Variants in ZNF480 observed in about 807,000 individuals in gnomAD.
The protein encoded by ZNF480 is zinc finger protein 480.
A neutral mutation model predicts 14.4 loss-of-function variants in ZNF480; 15 were observed. The ratio of observed to expected loss-of-function variants is 1.04; its 90% CI spans 0.70 to 1.60. The LOEUF (loss-of-function observed/expected upper bound fraction) is 1.60. ZNF480 is among the 40% of genes most tolerant of loss of function. The probability of loss-of-function intolerance (pLI) is 0.00; values close to 1 mark genes in which losing one functional copy is unlikely to be tolerated. For synonymous variants in ZNF480, 218 were observed against 215.5 expected (o/e 1.01, Z -0.10); for missense variants, 593 against 629.7 (o/e 0.94, Z 0.62).
At chr19:52,302,960 A>G (rs1187039880) in intron 2 of ZNF480, among the ~76,000 whole-genome samples, 1 of 152,216 alleles carries the variant, frequency 6.6e-6, no homozygotes, top group Non-Finnish European at 1.5e-5. Flanking sequence ...TAATATGAGT[A>G]ATGAAAAAGG....
chr19:52,322,377 G>C lies in ZNF480; in HGVS notation c.1127G>C (p.Cys376Ser). The C allele has an allele frequency of 6.2e-7, 1 of 1,613,988 alleles. No individual in the cohort carries two copies. The highest frequency in any genetic ancestry group is 8.5e-7 in the Non-Finnish European group (1 of 1,179,998). Reference sequence around the variant, plus strand: ...GAGAAACCTTACAAATGTAATGAATGTGGAAAGGTCTTTATTCAAAATTCG... The same window carrying C: ...GAGAAACCTTACAAATGTAATGAATCTGGAAAGGTCTTTATTCAAAATTCG... ...TGEKPYKCNECGKVFIQNSHL... is the reference protein window; with the variant it reads ...TGEKPYKCNESGKVFIQNSHL... The change falls in exon 5 of 5, where the codon TGT becomes TCT. Residue 376 changes from cysteine to serine, a missense_variant. Physicochemically the swap from Cys to Ser is moderately radical, Grantham distance 112. Coordinates refer to ENST00000595962, the MANE Select transcript of ZNF480 (RefSeq NM_144684.4).
At chr19:52,305,181 A>G (rs995584125) in intron 2 of ZNF480, among the ~76,000 whole-genome samples, 1 of 152,190 alleles carries the variant, frequency 6.6e-6, no homozygotes. Context: ...AATGCAATAT[A>G]TAACTGCTTT....
chr19:52,322,414 A>G lies in ZNF480; in HGVS notation c.1164A>G (p.Gln388=). 6.2e-7 allele frequency: 1 copy of G among 1,614,064 alleles called. No homozygotes were observed. Among genetic ancestry groups the G allele is most frequent in the Non-Finnish European group, 8.5e-7 (1 of 1,179,984 alleles). ...KVFIQNSHLA[Q]HWRIHTGEKP... is the part of the protein sequence containing the mutation. ...TTATTCAAAATTCGCACCTAGCACA[A>G]CATTGGAGAATTCATACAGGAGAGA... The change falls in exon 5 of 5, where the codon CAA becomes CAG. Residue 388 remains glutamine, a synonymous_variant. Transcript: ENST00000595962.
At chr19:52,320,394 T>C (rs1276352212) in intron 4 of ZNF480, among the ~76,000 whole-genome samples, 1 of 152,198 alleles carries the variant, frequency 6.6e-6, no homozygotes, top group African/African-American at 2.4e-5. Context: ...GCCTCATGCC[T>C]GTAATCCCAA....
intron 4 of ZNF480, among the ~76,000 whole-genome samples, chr19:52,319,835 TA>T (rs1403413067): frequency 2.1e-5 from 3 of 142,426 alleles, no homozygotes; most frequent in African/African-American, 8.6e-5. Context: ...TTTTTTTTTT[TA>T]AATTAGAGTC....
chr19:52,311,563 C>T (rs558645215), intron 2 of ZNF480, among the ~76,000 whole-genome samples: 4 of 152,158 alleles, frequency 2.6e-5, no homozygotes, highest in African/African-American at 4.8e-5. Context: ...TTTTTAATGG[C>T]TTAATATACA....
rs767734941 is a variant in ZNF480 at position 52,321,841 on chromosome 19, C to T, written c.591C>T (p.His197=). 6.2e-6 allele frequency: 10 copies of T among 1,613,982 alleles called. No individual in the cohort carries two copies. The Admixed American group carries it at 1.5e-4, about 24-fold the overall frequency. The change falls in exon 5 of 5, where the codon CAC becomes CAT. Residue 197 remains histidine (H), a synonymous_variant. Transcript: ENST00000595962. ...TTCTCCCACAAGAACAGAAAGTACA[C>T]CTTAGAGAAAAACCTTATGAATGTA... is the stretch of plus-strand genomic sequence containing the variant. ...SSFLPQEQKV[H]LREKPYECNE... is the part of the protein sequence containing the mutation.
chr19:52,321,697 T>C lies in ZNF480; in HGVS notation c.447T>C (p.Asn149=). The change falls in exon 5 of 5, where the codon AAT becomes AAC. Residue 149 remains asparagine (N), a synonymous_variant. Coordinates refer to ENST00000595962, the MANE Select transcript of ZNF480 (RefSeq NM_144684.4). ...LELFPDERVI[N]GCNQVENFIN... is the part of the protein sequence containing the mutation. The stretch of plus-strand genomic sequence containing the variant: ...TATTTCCAGATGAAAGGGTAATAAA[T>C]GGATGTAATCAAGTTGAAAACTTTA... The C allele has an allele frequency of 6.2e-7, 1 of 1,614,134 alleles. No individual in the cohort carries two copies. The highest frequency in any genetic ancestry group is 8.5e-7 in the Non-Finnish European group (1 of 1,179,994).
chr19:52,318,319 G>A (rs1447189051), intron 4 of ZNF480, among the ~76,000 whole-genome samples: 1 of 152,008 alleles, frequency 6.6e-6, no homozygotes, highest in Non-Finnish European at 1.5e-5. Flanking sequence ...TGTTGGCCAG[G>A]CTGGTCTTGA....
chr19:52,314,305 C>G (rs377047793), intron 3 of ZNF480, 26 bp downstream of exon 3: 1 of 1,489,420 alleles, frequency 6.7e-7, no homozygotes, highest in Admixed American at 2.1e-5. Context: ...CTGCAGAAGC[C>G]GGGATCTGCC....
At chr19:52,302,917 C>A (rs1183532069) in intron 2 of ZNF480, among the ~76,000 whole-genome samples, 1 of 152,128 alleles carries the variant, frequency 6.6e-6, no homozygotes. Flanking sequence ...TGATTCCCTG[C>A]AGTTAAAGGT....
At position 52,322,208 on chromosome 19, in the gene ZNF480, T is replaced by C. The variant is rs946322687; in HGVS notation, c.958T>C (p.Cys320Arg). 7 of 1,614,098 alleles carry C rather than the reference T, an allele frequency of 4.3e-6. No individual in the cohort carries two copies. The highest frequency in any genetic ancestry group is 5.9e-6 in the Non-Finnish European group (7 of 1,180,018). The change falls in exon 5 of 5, where the codon TGT (cysteine) becomes CGT (arginine). Residue 320 changes from cysteine (C) to arginine (R), a missense_variant. Physicochemically the swap from Cys to Arg is radical, Grantham distance 180 (BLOSUM62 -3). Transcript: ENST00000595962. ...AEEKPYKCNE[C>R]GKGFSHKSSL... ...AGAGAAACCTTACAAATGTAATGAATGTGGTAAAGGCTTCAGTCATAAGTC... is the reference window on the plus strand; with the variant it reads ...AGAGAAACCTTACAAATGTAATGAACGTGGTAAAGGCTTCAGTCATAAGTC...
At chr19:52,304,629 T>C (rs1982843211) in intron 2 of ZNF480, among the ~76,000 whole-genome samples, 1 of 152,058 alleles carries the variant, frequency 6.6e-6, no homozygotes, top group African/African-American at 2.4e-5. Flanking sequence ...TTTGTCCTTC[T>C]GCTTGAAGTG....
At chr19:52,309,143 G>T (rs1983146740) in intron 2 of ZNF480, among the ~76,000 whole-genome samples, 2 of 152,186 alleles carry the variant, frequency 1.3e-5, no homozygotes, top group Admixed American at 1.3e-4. Flanking sequence ...TCTGTAAGTT[G>T]TGAAAATTTA....
At chr19:52,311,528 TC>T (rs1312143503) in intron 2 of ZNF480, among the ~76,000 whole-genome samples, 8 of 152,180 alleles carry the variant, frequency 5.3e-5, no homozygotes, top group Non-Finnish European at 7.3e-5. Context: ...AGTTCAACTT[TC>T]TGTGTTTTTT....
intron 1 of ZNF480, chr19:52,297,996 G>A (rs1431060184): frequency 1.3e-5 from 2 of 152,320 alleles, no homozygotes; most frequent in Non-Finnish European, 2.9e-5. Context: ...TGCAGAGACA[G>A]CGAATGAAGC....
chr19:52,321,582 G>A lies in ZNF480; in HGVS notation c.332G>A (p.Ser111Asn). Reference protein sequence around the residue: ...RECIKGVNTGSSYALGSNAED... With the variant: ...RECIKGVNTGNSYALGSNAED... ...TACTTTTTTCTTGCTTTCCTAGGGAGCAGCTATGCATTGGGAAGCAATGCA... is the reference window on the plus strand; with the variant it reads ...TACTTTTTTCTTGCTTTCCTAGGGAACAGCTATGCATTGGGAAGCAATGCA... Residue 111 changes from serine to asparagine, a missense_variant, in exon 5 of 5, where the codon AGC (serine) becomes AAC (asparagine). Physicochemically the swap from Ser to Asn is conservative, Grantham distance 46. Coordinates refer to ENST00000595962, the MANE Select transcript of ZNF480 (RefSeq NM_144684.4). 1.3e-6 allele frequency: 2 copies of A among 1,576,098 alleles called. No homozygotes were observed.
At chr19:52,318,251 T>G (rs1983650111) in intron 4 of ZNF480, among the ~76,000 whole-genome samples, 1 of 151,874 alleles carries the variant, frequency 6.6e-6, no homozygotes, top group South Asian at 2.1e-4. Context: ...GGATTACAGG[T>G]GCACACCACC....
At chr19:52,319,684 C>G (rs1983714444) in intron 4 of ZNF480, among the ~76,000 whole-genome samples, 1 of 152,046 alleles carries the variant, frequency 6.6e-6, no homozygotes, top group Non-Finnish European at 1.5e-5. Context: ...TTCTGATCCT[C>G]TGTCTTCTCC....
Sources: allele counts gnomAD v4.1 joint callset (sites outside exome capture counted in the v4.1 genomes callset), GRCh38; gene constraint gnomAD v4.1.1; transcripts MANE v1.5; gene names NCBI Gene and HGNC (gene_info 2026-07-23, HGNC 2026-07-21).